B3GNT6: variants seen among roughly 807,000 people sequenced by gnomAD.
The protein encoded by B3GNT6 is acetylgalactosaminyl-O-glycosyl-glycoprotein beta-1,3-N-acetylglucosaminyltransferase.
For missense variants in B3GNT6, 624 were observed against 568.6 expected (o/e 1.10, Z -0.99); for synonymous variants, 300 against 270.0 (o/e 1.11, Z -1.09).
At position 77,039,542 on chromosome 11, in the gene B3GNT6, T is replaced by TC. The variant is rs782437353; in HGVS notation, c.1-5dup. The TC allele has an allele frequency of 6.4e-7, 1 of 1,561,620 alleles. No individual in the cohort carries two copies. The highest frequency in any genetic ancestry group is 2.3e-5 in the East Asian group (1 of 43,382). On this transcript the variant is annotated splice_polypyrimidine_tract_variant and intron_variant, in intron 1 of 1. Transcript: ENST00000622824. ...CTTCCGGCTCACCTCTGACTCGGTT[T>TC]CCCCCACAGATGGCTTTTCCCTGCC... is the stretch of plus-strand genomic sequence containing the variant.
chr11:77,036,493 A>C (rs1422448982), intron 1 of B3GNT6, among the ~76,000 whole-genome samples: 1 of 152,230 alleles, frequency 6.6e-6, no homozygotes, highest in African/African-American at 2.4e-5. Context: ...CTATGTGCAA[A>C]ATACCTGGAA....
intron 1 of B3GNT6, 143 bp from the exon 2 acceptor site, chr11:77,039,409 T>G: frequency 6.9e-7 from 1 of 1,448,958 alleles, no homozygotes; most frequent in Non-Finnish European, 9.1e-7. Flanking sequence ...TAATCTTGGA[T>G]TTTGATTCCT....
chr11:77,039,484 G>T (rs896812259), intron 1 of B3GNT6, 68 bp from the exon 2 acceptor site: 3 of 1,516,770 alleles, frequency 2.0e-6, no homozygotes, highest in Non-Finnish European at 8.8e-7. Flanking sequence ...AAGTGACGGG[G>T]TACGGGTGGT....
At position 77,039,969 on chromosome 11, in the gene B3GNT6, TG is replaced by T. The variant is rs782037273; in HGVS notation, c.423del (p.Gln142LysfsTer91). 1 of 1,590,296 alleles carries T rather than the reference TG, an allele frequency of 6.3e-7. No individual in the cohort carries two copies. Among genetic ancestry groups the T allele is most frequent in the East Asian group, 2.3e-5 (1 of 44,072 alleles). ...GCGACGCGAGCTCATCCGGCGCACGTGGGGGCAAGAGCGCAGCTACGGCGGG... is the reference window on the plus strand; with the variant it reads ...GCGACGCGAGCTCATCCGGCGCACGTGGGGCAAGAGCGCAGCTACGGCGGG... ...YERRELIRRTWGQERSYGGRP... is the reference protein window; with the variant it reads ...YERRELIRRTXGQERSYGGRP... On this transcript the variant is annotated frameshift_variant, in exon 2 of 2. Coordinates refer to ENST00000622824, the MANE Select transcript of B3GNT6 (RefSeq NM_138706.5). LOFTEE classifies it low-confidence loss of function (END_TRUNC).
At chr11:77,036,845 C>T (rs1478777968) in intron 1 of B3GNT6, among the ~76,000 whole-genome samples, 1 of 152,168 alleles carries the variant, frequency 6.6e-6, no homozygotes, top group Non-Finnish European at 1.5e-5. Context: ...CCTTAAAATG[C>T]TTACAGCCTA....
At chr11:77,038,555 G>A (rs1247527020) in intron 1 of B3GNT6, among the ~76,000 whole-genome samples, 3 of 152,078 alleles carry the variant, frequency 2.0e-5, no homozygotes, top group South Asian at 2.1e-4. Context: ...CAGCCTGGGT[G>A]ACACAGCAAG....
chr11:77,034,884 C>A (rs558595792), intron 1 of B3GNT6, among the ~76,000 whole-genome samples: 2 of 152,194 alleles, frequency 1.3e-5, no homozygotes, highest in African/African-American at 2.4e-5. Flanking sequence ...CCTGGCCAGG[C>A]GAGATGGCTC....
chr11:77,040,574 GTCC>G lies in B3GNT6; in HGVS notation c.1028_1030del (p.Ser343del), dbSNP rs1165932626. On this transcript the variant is annotated inframe_deletion, in exon 2 of 2. Transcript: ENST00000622824. ...GCGTGCAGCTGCCTGGCGCACAGCAGTCCTCCTTCGACCCCTGCATGTACCGCG... is the reference window on the plus strand; with the variant it reads ...GCGTGCAGCTGCCTGGCGCACAGCAGTCCTTCGACCCCTGCATGTACCGCG... 2 of 1,590,198 alleles carry G rather than the reference GTCC, an allele frequency of 1.3e-6. No individual in the cohort carries two copies. Among genetic ancestry groups the G allele is most frequent in the Non-Finnish European group, 1.7e-6 (2 of 1,175,644 alleles).
At position 77,040,843 on chromosome 11, in the gene B3GNT6, G is replaced by A; in HGVS notation, c.*137G>A. ...GCTGCGCACTGAAATCAGCTGGGGTGGGGGGTGTGGAAAATGCCTACATCC... is the reference window on the plus strand; with the variant it reads ...GCTGCGCACTGAAATCAGCTGGGGTAGGGGGTGTGGAAAATGCCTACATCC... On this transcript the variant is annotated 3_prime_UTR_variant, in exon 2 of 2. Coordinates refer to ENST00000622824, the MANE Select transcript of B3GNT6 (RefSeq NM_138706.5). 2 of 1,338,954 alleles carry A rather than the reference G, an allele frequency of 1.5e-6. No individual in the cohort carries two copies. The highest frequency in any genetic ancestry group is 3.3e-5 in the Admixed American group (1 of 30,640). The allele number at this position is 1,338,954 out of a possible 1,614,324, so 82.9% of individuals were successfully genotyped here. A position where few individuals can be genotyped will look rare whatever the true frequency, so the allele number is the denominator to read the frequency against.
chr11:77,040,213 GCGA>G lies in B3GNT6; in HGVS notation c.671_673del (p.Asp224del), dbSNP rs1555027639. On this transcript the variant is annotated inframe_deletion, in exon 2 of 2. Transcript: ENST00000622824. ...CCGCACGCGCGCTTTCTGCTCAGCG[GCGA>G]CGACGACGTGTTCGTGCACACCGCC... 6.3e-7 allele frequency: 1 copy of G among 1,599,206 alleles called. No individual in the cohort carries two copies. Among genetic ancestry groups the G allele is most frequent in the Admixed American group, 1.7e-5 (1 of 59,988 alleles).
intron 1 of B3GNT6, among the ~76,000 whole-genome samples, chr11:77,039,278 C>T (rs1285983459): frequency 1.3e-5 from 2 of 152,008 alleles, no homozygotes; most frequent in East Asian, 3.9e-4. Flanking sequence ...GAGACTCAGA[C>T]GATGAGTCCA....
chr11:77,037,658 C>G (rs887031318), intron 1 of B3GNT6, among the ~76,000 whole-genome samples: 2 of 151,726 alleles, frequency 1.3e-5, no homozygotes, highest in Non-Finnish European at 2.9e-5. Context: ...CACCTGTAAT[C>G]CCAGCACTTT....
At chr11:77,037,581 A>G (rs1555027057) in intron 1 of B3GNT6, among the ~76,000 whole-genome samples, 1 of 152,016 alleles carries the variant, frequency 6.6e-6, no homozygotes, top group African/African-American at 2.4e-5. Context: ...ATGAGTGTCT[A>G]AGTCAGAGCC....
chr11:77,039,740 G>T lies in B3GNT6; in HGVS notation c.189G>T (p.Glu63Asp). 6.2e-7 allele frequency: 1 copy of T among 1,600,788 alleles called. No homozygotes were observed. The highest frequency in any genetic ancestry group is 8.5e-7 in the Non-Finnish European group (1 of 1,175,316). Reference sequence around the variant, plus strand: ...CCGCGGCTGACGAGCCGCCCTCGGAGCTCGTCCCCGGGCCCCCGTGCGTGG... The same window carrying T: ...CCGCGGCTGACGAGCCGCCCTCGGATCTCGTCCCCGGGCCCCCGTGCGTGG... ...DAPAADEPPS[E>D]LVPGPPCVAN... is the part of the protein sequence containing the mutation. Residue 63 changes from glutamate to aspartate, a missense_variant, in exon 2 of 2, where the codon GAG becomes GAT. Glu to Asp is a conservative substitution (Grantham distance 45). Transcript: ENST00000622824.
Position 77,036,718 on chromosome 11 carries a change from C to T in B3GNT6, c.-1+2240C>T, listed in dbSNP as rs527776226. ...TGCTCAAAATCACAACACTAGAAAG[C>T]AGTGGCAGTGGAATTTGAATCCAGG... On this transcript the variant is annotated intron_variant, in intron 1 of 1. Transcript: ENST00000622824. 2.6e-5 allele frequency among the ~76,000 whole-genome samples: 4 copies of T among 152,332 alleles called. No individual in the cohort carries two copies. The South Asian group carries it at 8.3e-4, about 32-fold the overall frequency.
At position 77,039,829 on chromosome 11, in the gene B3GNT6, T is replaced by G; in HGVS notation, c.278T>G (p.Leu93Arg). 1 of 1,574,312 alleles carries G rather than the reference T, an allele frequency of 6.4e-7. No homozygotes were observed. Among genetic ancestry groups the G allele is most frequent in the Non-Finnish European group, 8.6e-7 (1 of 1,166,556 alleles). The change falls in exon 2 of 2, where the codon CTG (leucine) becomes CGG (arginine). Residue 93 changes from leucine (L) to arginine (R), a missense_variant. Physicochemically the swap from Leu to Arg is moderately radical, Grantham distance 102 (BLOSUM62 -2). Coordinates refer to ENST00000622824, the MANE Select transcript of B3GNT6 (RefSeq NM_138706.5). ...EQLPARIQDF[L>R]RYRHCRHFPL... is the part of the protein sequence containing the mutation. ...CTGCCCGCGCGCATCCAGGACTTCC[T>G]GCGGTACCGCCACTGCCGCCACTTC...
chr11:77,040,470 A>G lies in B3GNT6; in HGVS notation c.919A>G (p.Ile307Val). The G allele has an allele frequency of 6.5e-7, 1 of 1,536,608 alleles. No individual in the cohort carries two copies. The highest frequency in any genetic ancestry group is 8.7e-7 in the Non-Finnish European group (1 of 1,146,680). Reference protein sequence around the residue: ...AAARHTPLFPIDDAYMGMCLE... With the variant: ...AAARHTPLFPVDDAYMGMCLE... The stretch of plus-strand genomic sequence containing the variant: ...CGCCCGCCACACCCCGCTCTTCCCC[A>G]TCGACGACGCCTACATGGGCATGTG... Residue 307 changes from isoleucine to valine, a missense_variant, in exon 2 of 2, where the codon ATC becomes GTC. Transcript: ENST00000622824.
Position 77,039,744 on chromosome 11 carries a change from G to T in B3GNT6, c.193G>T (p.Val65Phe). The part of the protein sequence containing the change: ...PAADEPPSEL[V>F]PGPPCVANAS... ...GGCTGACGAGCCGCCCTCGGAGCTC[G>T]TCCCCGGGCCCCCGTGCGTGGCGAA... Residue 65 changes from valine to phenylalanine, a missense_variant, in exon 2 of 2, where the codon GTC becomes TTC. Coordinates refer to ENST00000622824, the MANE Select transcript of B3GNT6 (RefSeq NM_138706.5). The T allele has an allele frequency of 6.3e-7, 1 of 1,599,284 alleles. No homozygotes were observed. The highest frequency in any genetic ancestry group is 8.5e-7 in the Non-Finnish European group (1 of 1,174,732).
chr11:77,039,448 G>A, intron 1 of B3GNT6, 104 bp from the exon 2 acceptor site: 1 of 1,492,628 alleles, frequency 6.7e-7, no homozygotes, highest in Non-Finnish European at 8.9e-7. Flanking sequence ...GAGTTGAGAA[G>A]GGGCTGGAGC....
Sources: gnomAD v4.1 joint callset for allele counts (sites outside exome capture counted in the v4.1 genomes callset) on GRCh38, gnomAD v4.1.1 for gene constraint, MANE v1.5 for transcripts, NCBI Gene and HGNC (gene_info 2026-07-23, HGNC 2026-07-21) for gene names.